LIMA1: variants seen among roughly 807,000 people sequenced by gnomAD.
The protein encoded by LIMA1 is LIM domain and actin binding 1, also known as LIM domain and actin-binding protein 1.
LIMA1 carries 52 observed loss-of-function variants against 62.6 expected under a neutral mutation model. The ratio of observed to expected loss-of-function variants is 0.83; its 90% CI spans 0.67 to 1.05. The LOEUF (loss-of-function observed/expected upper bound fraction) is 1.05. Among genes scored for constraint, LIMA1 ranks in the 50% least tolerant of loss-of-function variants. The probability of loss-of-function intolerance (pLI) is 0.00; values close to 1 mark genes in which losing one functional copy is unlikely to be tolerated. For missense variants in LIMA1, 780 were observed against 902.2 expected (o/e 0.86, Z 1.74); for synonymous variants, 302 against 317.8 (o/e 0.95, Z 0.53).
At chr12:50,183,946 G>A (rs1354087230) in intron 9 of LIMA1, among the ~76,000 whole-genome samples, 1 of 151,964 alleles carries the variant, frequency 6.6e-6, no homozygotes, top group East Asian at 1.9e-4. Flanking sequence ...GGCAGGAAGT[G>A]AGAGCAGAAA....
At chr12:50,203,925 G>A (rs1941103798) in intron 6 of LIMA1, among the ~76,000 whole-genome samples, 1 of 152,190 alleles carries the variant, frequency 6.6e-6, no homozygotes, top group Non-Finnish European at 1.5e-5. Flanking sequence ...GGGGATGAGA[G>A]CAGGGGAAGT....
chr12:50,230,632 A>T (rs1407210370), intron 3 of LIMA1, among the ~76,000 whole-genome samples: 1 of 151,830 alleles, frequency 6.6e-6, no homozygotes, highest in Non-Finnish European at 1.5e-5. Flanking sequence ...GCTGGAGTGC[A>T]GTTGCGTGAT....
intron 1 of LIMA1, among the ~76,000 whole-genome samples, chr12:50,262,375 A>T (rs1942082354): frequency 6.6e-6 from 1 of 152,150 alleles, no homozygotes; most frequent in Non-Finnish European, 1.5e-5. Flanking sequence ...ATTCTGATTC[A>T]TTAGGTCTGG....
intron 2 of LIMA1, among the ~76,000 whole-genome samples, chr12:50,238,624 C>T (rs1156992226): frequency 1.3e-5 from 2 of 151,760 alleles, no homozygotes; most frequent in Admixed American, 6.6e-5. Context: ...TTTGGCAGGC[C>T]GAGGCAGGTG....
chr12:50,201,310 A>C lies in LIMA1; in HGVS notation c.865-426T>G, dbSNP rs528366977. ...AATAGAAAATATACTGACCATACAT[A>C]TATAAATGCCCGGCCTGGAAAGAGA... On this transcript the variant is annotated intron_variant, in intron 6 of 10. Transcript: ENST00000341247. 112 of 990,054 alleles carry C rather than the reference A, an allele frequency of 1.1e-4. 1 individual carries two copies. The South Asian group carries it at 4.5e-3, about 40-fold the overall frequency. 61.3% of individuals were successfully genotyped at this position (990,054 alleles called of 1,614,324 possible).
intron 6 of LIMA1, chr12:50,201,548 TC>T: frequency 1.0e-6 from 1 of 983,312 alleles, no homozygotes; most frequent in Non-Finnish European, 1.2e-6. Flanking sequence ...TGCATTTTTT[TC>T]CTTGCAAAGG....
chr12:50,183,594 C>T (rs1052408273), intron 9 of LIMA1, among the ~76,000 whole-genome samples: 2 of 151,690 alleles, frequency 1.3e-5, no homozygotes, highest in East Asian at 1.9e-4. Flanking sequence ...AGGCAGATCA[C>T]GAGGTCAGGA....
intron 1 of LIMA1, among the ~76,000 whole-genome samples, chr12:50,260,445 A>T (rs114470018): frequency 0.014 from 2,113 of 152,238 alleles, 45 homozygotes; most frequent in African/African-American, 0.049. Context: ...CACCACGCCC[A>T]GCCCAGTCCT....
At chr12:50,244,427 T>C (rs1592550732) in intron 2 of LIMA1, among the ~76,000 whole-genome samples, 2 of 151,886 alleles carry the variant, frequency 1.3e-5, no homozygotes, top group Non-Finnish European at 2.9e-5. Flanking sequence ...TTAGTAGAGA[T>C]GGGGTTTCAC....
At chr12:50,211,632 A>G (rs1311610750) in intron 4 of LIMA1, among the ~76,000 whole-genome samples, 2 of 152,168 alleles carry the variant, frequency 1.3e-5, no homozygotes, top group African/African-American at 4.8e-5. Context: ...ACGATATAAC[A>G]AGGCCCTGTC....
chr12:50,240,956 C>T (rs916908368), intron 2 of LIMA1, among the ~76,000 whole-genome samples: 1 of 151,918 alleles, frequency 6.6e-6, no homozygotes, highest in Non-Finnish European at 1.5e-5. Context: ...GCCAGAGAAG[C>T]CAAGAGAAGC....
chr12:50,177,491 A>G lies in LIMA1; in HGVS notation c.1853T>C (p.Met618Thr), dbSNP rs1485913914. 5 of 1,613,794 alleles carry G rather than the reference A, an allele frequency of 3.1e-6. No homozygotes were observed. The East Asian group carries it at 1.1e-4, about 36-fold the overall frequency. Reference sequence around the variant, plus strand: ...CACAGACTCTTCACTCTGCTCTGACATGCTCCAGCCTTTCCTGATAGGTGG... The same window carrying G: ...CACAGACTCTTCACTCTGCTCTGACGTGCTCCAGCCTTTCCTGATAGGTGG... ...VSPPIRKGWSMSEQSEESVGG... is the reference protein window; with the variant it reads ...VSPPIRKGWSTSEQSEESVGG... Residue 618 changes from methionine to threonine, a missense_variant, in exon 11 of 11, where the codon ATG (methionine) becomes ACG (threonine). Transcript: ENST00000341247.
At chr12:50,263,937 C>A in intron 1 of LIMA1, among the ~76,000 whole-genome samples, 1 of 144,250 alleles carries the variant, frequency 6.9e-6, no homozygotes, top group Non-Finnish European at 1.5e-5. Flanking sequence ...GAAATGAAAA[C>A]ACATGTCCAC....
chr12:50,244,938 T>C (rs1333156981), intron 2 of LIMA1, among the ~76,000 whole-genome samples: 1 of 151,936 alleles, frequency 6.6e-6, no homozygotes, highest in Non-Finnish European at 1.5e-5. Context: ...GGTGTCCTGG[T>C]GAGGTCAAAA....
intron 1 of LIMA1, among the ~76,000 whole-genome samples, chr12:50,281,874 C>T (rs1365438723): frequency 3.3e-5 from 5 of 152,188 alleles, no homozygotes; most frequent in Non-Finnish European, 7.3e-5. Flanking sequence ...GGGCTGACCT[C>T]TAGTATAGAA....
chr12:50,212,613 AAAAG>A (rs997663861), intron 4 of LIMA1, among the ~76,000 whole-genome samples: 1 of 152,174 alleles, frequency 6.6e-6, no homozygotes, highest in Non-Finnish European at 1.5e-5. Flanking sequence ...AAAGAAAAAA[AAAAG>A]AAAGGATAAC....
intron 4 of LIMA1, among the ~76,000 whole-genome samples, chr12:50,208,865 G>A (rs958340182): frequency 5.9e-5 from 9 of 151,664 alleles, no homozygotes; most frequent in African/African-American, 2.2e-4. Flanking sequence ...ACAGTGAGCC[G>A]TGACCGCACT....
chr12:50,214,337 A>G (rs1023812668), intron 4 of LIMA1, among the ~76,000 whole-genome samples: 1 of 152,248 alleles, frequency 6.6e-6, no homozygotes, highest in Non-Finnish European at 1.5e-5. Context: ...CATTTAAAGC[A>G]CTAGCAATGT....
chr12:50,221,126 G>T (rs891586420), intron 4 of LIMA1, among the ~76,000 whole-genome samples: 1 of 151,838 alleles, frequency 6.6e-6, no homozygotes, highest in Non-Finnish European at 1.5e-5. Context: ...TAGGGACTTG[G>T]GCCAAATATT....
Sources: allele counts gnomAD v4.1 joint callset (sites outside exome capture counted in the v4.1 genomes callset), GRCh38; gene constraint gnomAD v4.1.1; transcripts MANE v1.5; gene names NCBI Gene and HGNC (gene_info 2026-07-23, HGNC 2026-07-21).